CLEC16A: variants seen among roughly 807,000 people sequenced by gnomAD.
CLEC16A encodes the protein protein CLEC16A.
CLEC16A carries 51 observed loss-of-function variants against 109.5 expected under a neutral mutation model. The ratio of observed to expected loss-of-function variants is 0.47; its 90% CI spans 0.37 to 0.59. The LOEUF (loss-of-function observed/expected upper bound fraction) is 0.59, where lower values mean the gene tolerates loss of function less well. Among genes scored for constraint, CLEC16A ranks in the 20% least tolerant of loss-of-function variants. The pLI is 0.00. For missense variants in CLEC16A, 1,339 were observed against 1,394.0 expected (o/e 0.96, Z 0.63); for synonymous variants, 673 against 564.2 (o/e 1.19, Z -2.73).
intron 7 of CLEC16A, 148 bp downstream of exon 7, chr16:10,973,209 C>T: frequency 1.1e-6 from 1 of 894,612 alleles, no homozygotes; most frequent in Non-Finnish European, 1.6e-6. Flanking sequence ...AAAGGTCCTG[C>T]TCACCTATTT....
At chr16:10,959,795 T>G (rs75889896) in intron 2 of CLEC16A, among the ~76,000 whole-genome samples, 1 of 151,944 alleles carries the variant, frequency 6.6e-6, no homozygotes, top group Non-Finnish European at 1.5e-5. Flanking sequence ...TTTTTTTTTT[T>G]AGAGACAGGG....
At chr16:10,990,487 C>G (rs911941800) in intron 10 of CLEC16A, among the ~76,000 whole-genome samples, 9 of 152,154 alleles carry the variant, frequency 5.9e-5, no homozygotes, top group African/African-American at 1.9e-4. Flanking sequence ...TAGCCAGGGC[C>G]GCGGGTGACT....
At chr16:11,150,389 C>T (rs1239929878) in intron 22 of CLEC16A, 1 of 152,252 alleles carries the variant, frequency 6.6e-6, no homozygotes, top group Non-Finnish European at 1.5e-5. Flanking sequence ...AGATTTCACA[C>T]ATTCCTTTTC....
At chr16:11,156,917 G>GCC (rs60216625) in intron 22 of CLEC16A, among the ~76,000 whole-genome samples, 43 of 77,364 alleles carry the variant, frequency 5.6e-4, no homozygotes, top group East Asian at 2.3e-3. Flanking sequence ...CCAAATGCCC[G>GCC]CCCCCCCCCC....
intron 10 of CLEC16A, among the ~76,000 whole-genome samples, chr16:10,986,012 ATTTTTTTTTTTTTTTTT>A (rs59547466): frequency 1.6e-4 from 7 of 43,436 alleles, no homozygotes; most frequent in Admixed American, 3.6e-4. Flanking sequence ...GGCCTGCAGA[ATTTTTTTTTTTTTTTTT>A]TTTTTTTTTT....
chr16:11,108,938 A>C (rs941426330), intron 19 of CLEC16A, among the ~76,000 whole-genome samples: 1 of 151,710 alleles, frequency 6.6e-6, no homozygotes, highest in African/African-American at 2.4e-5. Context: ...GTGAAACCCC[A>C]TCTCTACTAA....
Position 11,044,076 on chromosome 16 carries a change from A to C in CLEC16A, c.1815+4A>C. 1 of 1,606,728 alleles carries C rather than the reference A, an allele frequency of 6.2e-7. No homozygotes were observed. Among genetic ancestry groups the C allele is most frequent in the Non-Finnish European group, 8.5e-7 (1 of 1,175,446 alleles). On this transcript the variant is annotated splice_donor_region_variant and intron_variant, in intron 16 of 23. Coordinates refer to ENST00000409790, the MANE Select transcript of CLEC16A (RefSeq NM_015226.3). Reference sequence around the variant, plus strand: ...CCTTGTACGACATTTTTATAAGGTAATTGGCAGAGCACAGATGGACAGCAG... The same window carrying C: ...CCTTGTACGACATTTTTATAAGGTACTTGGCAGAGCACAGATGGACAGCAG...
chr16:11,172,980 G>T (rs1164813950), intron 23 of CLEC16A, among the ~76,000 whole-genome samples: 1 of 152,122 alleles, frequency 6.6e-6, no homozygotes, highest in Admixed American at 6.5e-5. Flanking sequence ...GACAGGTCTG[G>T]CTGCTGTTGA....
At chr16:11,043,079 TACAC>T (rs34014519) in intron 15 of CLEC16A, among the ~76,000 whole-genome samples, 149 of 150,804 alleles carry the variant, frequency 9.9e-4, no homozygotes, top group African/African-American at 3.4e-3. Flanking sequence ...TGTATATATA[TACAC>T]ACACACACAC....
At chr16:11,162,298 C>T (rs924865718) in intron 22 of CLEC16A, among the ~76,000 whole-genome samples, 1 of 152,208 alleles carries the variant, frequency 6.6e-6, no homozygotes, top group Admixed American at 6.5e-5. Flanking sequence ...AGTGGCCTGC[C>T]TGGCCCTGCT....
chr16:11,105,034 G>T (rs569756300), intron 19 of CLEC16A, among the ~76,000 whole-genome samples: 1 of 152,296 alleles, frequency 6.6e-6, no homozygotes, highest in South Asian at 2.1e-4. Flanking sequence ...TAAGTATTCA[G>T]ATCTTTTCTT....
intron 5 of CLEC16A, among the ~76,000 whole-genome samples, chr16:10,972,308 C>T (rs560821046): frequency 6.6e-6 from 1 of 152,204 alleles, no homozygotes; most frequent in Non-Finnish European, 1.5e-5. Flanking sequence ...CACGCTGGAC[C>T]TCTGGCAACT....
At chr16:10,971,298 G>T in intron 5 of CLEC16A, 68 bp downstream of exon 5, 2 of 1,134,602 alleles carry the variant, frequency 1.8e-6, no homozygotes, top group South Asian at 2.6e-5. Flanking sequence ...ACTCCCGTGT[G>T]TGTGCGTACA....
intron 10 of CLEC16A, among the ~76,000 whole-genome samples, chr16:10,999,409 C>T (rs1047152845): frequency 6.6e-6 from 1 of 152,110 alleles, no homozygotes; most frequent in South Asian, 2.1e-4. Context: ...GCATTTACAC[C>T]ATCACGTATA....
At chr16:11,010,803 C>T (rs2045359065) in intron 11 of CLEC16A, among the ~76,000 whole-genome samples, 2 of 152,244 alleles carry the variant, frequency 1.3e-5, no homozygotes, top group South Asian at 2.1e-4. Flanking sequence ...GCCTCCTTTA[C>T]TCCGGAACAT....
chr16:11,080,215 A>C (rs2049624523), intron 19 of CLEC16A, among the ~76,000 whole-genome samples: 2 of 152,232 alleles, frequency 1.3e-5, no homozygotes. Context: ...ACACAAGGAC[A>C]GGACAGAGCC....
At chr16:11,093,497 G>T (rs577933834) in intron 19 of CLEC16A, among the ~76,000 whole-genome samples, 1 of 152,308 alleles carries the variant, frequency 6.6e-6, no homozygotes, top group South Asian at 2.1e-4. Flanking sequence ...CAGTGATTCT[G>T]CCCGGACTCA....
At chr16:11,011,093 A>G (rs181532166) in intron 11 of CLEC16A, among the ~76,000 whole-genome samples, 242 of 152,264 alleles carry the variant, frequency 1.6e-3, no homozygotes, top group African/African-American at 5.4e-3. Context: ...TGTATTGTGT[A>G]ATGACCTTCC....
At chr16:10,951,050 A>AT (rs1366705956) in intron 1 of CLEC16A, among the ~76,000 whole-genome samples, 1 of 152,242 alleles carries the variant, frequency 6.6e-6, no homozygotes, top group Non-Finnish European at 1.5e-5. Flanking sequence ...ATGGGGCATT[A>AT]TTAACTGTAG....
Sources: allele counts gnomAD v4.1 joint callset (sites outside exome capture counted in the v4.1 genomes callset), GRCh38; gene constraint gnomAD v4.1.1; transcripts MANE v1.5; gene names NCBI Gene and HGNC (gene_info 2026-07-23, HGNC 2026-07-21).